The following MSRA variants were observed in gnomAD, a reference collection of about 807,000 sequenced individuals.
The protein encoded by MSRA is mitochondrial peptide methionine sulfoxide reductase.
Under a neutral mutation model 31.3 loss-of-function variants are expected in MSRA, and 54 were observed. That is an observed-to-expected ratio of 1.73 (90% CI 1.39 to 2.17). MSRA has a LOEUF of 2.17. MSRA is among the 30% of genes most tolerant of loss of function. The pLI is 0.00. For missense variants in MSRA, 507 were observed against 300.9 expected (o/e 1.69, Z -5.07); for synonymous variants, 169 against 116.5 (o/e 1.45, Z -2.90).
At chr8:10,416,182 G>A (rs889781954) in intron 5 of MSRA, among the ~76,000 whole-genome samples, 2 of 152,158 alleles carry the variant, frequency 1.3e-5, no homozygotes, top group Non-Finnish European at 2.9e-5. Context: ...AGCACCTCGC[G>A]GGCAGGGCTT....
chr8:10,359,641 A>G (rs915829641), intron 5 of MSRA, among the ~76,000 whole-genome samples: 54 of 152,162 alleles, frequency 3.5e-4, no homozygotes, highest in African/African-American at 1.2e-3. Context: ...ACTGCCACAG[A>G]GAGGCTCCTT....
intron 1 of MSRA, among the ~76,000 whole-genome samples, chr8:10,055,930 G>A (rs554447633): frequency 6.6e-6 from 1 of 151,966 alleles, no homozygotes; most frequent in African/African-American, 2.4e-5. Context: ...CTACTCAGCC[G>A]TAAAAGTTTA....
chr8:10,065,025 C>G (rs1314360647), intron 1 of MSRA, among the ~76,000 whole-genome samples: 1 of 152,118 alleles, frequency 6.6e-6, no homozygotes, highest in Non-Finnish European at 1.5e-5. Context: ...CCCGAGAAGG[C>G]ATTGCATTGC....
chr8:10,120,974 C>T (rs995995789), intron 1 of MSRA, among the ~76,000 whole-genome samples: 1 of 152,074 alleles, frequency 6.6e-6, no homozygotes, highest in Non-Finnish European at 1.5e-5. Flanking sequence ...TTAAGTGAAC[C>T]AGTGAAATAT....
At chr8:10,197,405 A>T (rs975404754) in intron 1 of MSRA, among the ~76,000 whole-genome samples, 1 of 152,160 alleles carries the variant, frequency 6.6e-6, no homozygotes, top group Admixed American at 6.6e-5. Flanking sequence ...CTTGCCGGAG[A>T]TGCAGGATGC....
intron 1 of MSRA, among the ~76,000 whole-genome samples, chr8:10,112,399 T>G (rs1456342729): frequency 6.6e-6 from 1 of 152,224 alleles, no homozygotes; most frequent in Admixed American, 6.5e-5. Context: ...TAATAGAGAA[T>G]TTCTAGGAAA....
At chr8:10,086,478 C>A (rs1230334120) in intron 1 of MSRA, among the ~76,000 whole-genome samples, 1 of 152,130 alleles carries the variant, frequency 6.6e-6, no homozygotes, top group African/African-American at 2.4e-5. Flanking sequence ...AATAATGAAA[C>A]CTGGGATGGT....
intron 1 of MSRA, among the ~76,000 whole-genome samples, chr8:10,187,472 G>C (rs1807150038): frequency 1.3e-5 from 2 of 152,204 alleles, no homozygotes; most frequent in African/African-American, 4.8e-5. Flanking sequence ...GACTGCAGCA[G>C]CTAGAGTACT....
At chr8:10,157,182 T>A (rs916178214) in intron 1 of MSRA, among the ~76,000 whole-genome samples, 2 of 152,172 alleles carry the variant, frequency 1.3e-5, no homozygotes, top group Non-Finnish European at 2.9e-5. Flanking sequence ...TTACATAGTT[T>A]CTAATGGGAT....
At chr8:10,378,308 A>G (rs1484649650) in intron 5 of MSRA, among the ~76,000 whole-genome samples, 1 of 152,134 alleles carries the variant, frequency 6.6e-6, no homozygotes, top group East Asian at 1.9e-4. Flanking sequence ...CACAGGGAAA[A>G]GCTGTTGCCC....
At chr8:10,081,824 A>G (rs1263398156) in intron 1 of MSRA, among the ~76,000 whole-genome samples, 2 of 152,180 alleles carry the variant, frequency 1.3e-5, no homozygotes, top group African/African-American at 4.8e-5. Context: ...GGGGGTACCC[A>G]GATTCGAAGC....
chr8:10,331,877 T>A (rs1802721999), intron 5 of MSRA, among the ~76,000 whole-genome samples: 1 of 152,236 alleles, frequency 6.6e-6, no homozygotes, highest in Admixed American at 6.5e-5. Flanking sequence ...ATTGTTGTAT[T>A]GTTTTTATTC....
chr8:10,419,832 C>T (rs1449763543), intron 5 of MSRA, among the ~76,000 whole-genome samples: 4 of 152,072 alleles, frequency 2.6e-5, no homozygotes, highest in East Asian at 1.9e-4. Context: ...TTTATAATGG[C>T]ATCATGGCCA....
intron 1 of MSRA, among the ~76,000 whole-genome samples, chr8:10,065,425 C>T (rs1409408146): frequency 1.3e-5 from 2 of 152,112 alleles, no homozygotes; most frequent in Non-Finnish European, 1.5e-5. Context: ...CAAGCTCTGT[C>T]GAATTATTTC....
At chr8:10,164,594 T>A (rs1414829083) in intron 1 of MSRA, among the ~76,000 whole-genome samples, 2 of 152,236 alleles carry the variant, frequency 1.3e-5, no homozygotes, top group Non-Finnish European at 2.9e-5. Context: ...TACATACTTG[T>A]ACCCAAATCC....
chr8:10,249,749 G>T (rs949938906), intron 3 of MSRA, among the ~76,000 whole-genome samples: 4 of 152,152 alleles, frequency 2.6e-5, no homozygotes. Flanking sequence ...TAAGAGATGT[G>T]CTGAGAAGTA....
chr8:10,199,099 G>A (rs1191089210), intron 1 of MSRA, among the ~76,000 whole-genome samples: 1 of 152,158 alleles, frequency 6.6e-6, no homozygotes, highest in African/African-American at 2.4e-5. Flanking sequence ...TGTCTTTGGT[G>A]ATGCAACCTC....
chr8:10,364,074 C>G (rs749590713), intron 5 of MSRA, among the ~76,000 whole-genome samples: 1 of 152,126 alleles, frequency 6.6e-6, no homozygotes, highest in Admixed American at 6.5e-5. Context: ...CACACTTAAA[C>G]GATTATTTAA....
chr8:10,364,261 T>G (rs780511016), intron 5 of MSRA, among the ~76,000 whole-genome samples: 9 of 152,194 alleles, frequency 5.9e-5, no homozygotes, highest in Non-Finnish European at 1.3e-4. Flanking sequence ...TGGATTTGGT[T>G]AGACTGTCAT....
Sources: gnomAD v4.1 joint callset for allele counts (sites outside exome capture counted in the v4.1 genomes callset) on GRCh38, gnomAD v4.1.1 for gene constraint, MANE v1.5 for transcripts, NCBI Gene and HGNC (gene_info 2026-07-23, HGNC 2026-07-21) for gene names.